The following EPHB2 variants were observed in gnomAD, a reference collection of about 807,000 sequenced individuals.
The protein encoded by EPHB2 is ephrin type-B receptor 2.
A neutral mutation model predicts 96.4 loss-of-function variants in EPHB2; 18 were observed. That is an observed-to-expected ratio of 0.19 (90% CI 0.13 to 0.28). The LOEUF (loss-of-function observed/expected upper bound fraction) is 0.28. EPHB2 is among the 10% of genes least tolerant of loss of function. The pLI is 1.00. For synonymous variants in EPHB2, 506 were observed against 534.1 expected, an observed-to-expected ratio of 0.95 and a Z score of 0.72; for missense variants, 989 against 1,355.4, an observed-to-expected ratio of 0.73 and a Z score of 4.25.
intron 5 of EPHB2, among the ~76,000 whole-genome samples, chr1:22,872,397 C>T (rs982394383): frequency 1.1e-4 from 16 of 152,302 alleles, no homozygotes; most frequent in African/African-American, 3.6e-4. Context: ...CTCTCCATCT[C>T]AAGGGTCATA....
chr1:22,767,769 G>T (rs1042432296), intron 1 of EPHB2, among the ~76,000 whole-genome samples: 1 of 152,156 alleles, frequency 6.6e-6, no homozygotes, highest in East Asian at 1.9e-4. Flanking sequence ...CATGTCAAGG[G>T]CCCCACCAGC....
intron 1 of EPHB2, among the ~76,000 whole-genome samples, chr1:22,767,351 A>G (rs1198661042): frequency 2.0e-5 from 3 of 152,132 alleles, no homozygotes; most frequent in Non-Finnish European, 4.4e-5. Context: ...TCAACTCCCA[A>G]AAGGCTCCTT....
rs1363695297 is a variant in EPHB2, at chr1:22,781,081, G to T, written c.62-340G>T. 6.1e-4 allele frequency among the ~76,000 whole-genome samples: 93 copies of T among 152,062 alleles called. 1 individual carries two copies. Among genetic ancestry groups the T allele is most frequent in the Non-Finnish European group, 1.6e-4 (11 of 67,964 alleles). On this transcript the variant is annotated intron_variant, in intron 1 of 15. Coordinates refer to ENST00000374630, the MANE Select transcript of EPHB2 (RefSeq NM_017449.5). ...CACGCCTGTACTCCCAGCACTTTGGGAGGGCGAGGCGGGCGGATCACGAGG... is the reference window on the plus strand; with the variant it reads ...CACGCCTGTACTCCCAGCACTTTGGTAGGGCGAGGCGGGCGGATCACGAGG...
rs2148425649 is a variant in EPHB2 at position 22,785,029 on chromosome 1, T to A, written c.764T>A (p.Met255Lys). The change falls in exon 3 of 16, where the codon ATG becomes AAG. Residue 255 changes from methionine to lysine, a missense_variant. Transcript: ENST00000374630. ...TGGCTGGTGCCCATCGGGCGCTGCATGTGCAAAGCAGGCTTCGAGGCCGTT... is the reference window on the plus strand; with the variant it reads ...TGGCTGGTGCCCATCGGGCGCTGCAAGTGCAAAGCAGGCTTCGAGGCCGTT... ...GEWLVPIGRC[M>K]CKAGFEAVEN... 6.2e-7 allele frequency: 1 copy of A among 1,613,686 alleles called. No individual in the cohort carries two copies. The highest frequency in any genetic ancestry group is 1.1e-5 in the South Asian group (1 of 91,092).
intron 2 of EPHB2, among the ~76,000 whole-genome samples, chr1:22,781,801 A>C (rs2148420248): frequency 6.6e-6 from 1 of 152,278 alleles, no homozygotes; most frequent in South Asian, 2.1e-4. Context: ...TCGTTTCCTG[A>C]GTACCCATTC....
chr1:22,765,546 C>CAAAAAA lies in EPHB2; in HGVS notation c.62-15863_62-15858dup, dbSNP rs10667863. 1.5e-3 allele frequency among the ~76,000 whole-genome samples: 170 copies of CAAAAAA among 115,218 alleles called. 4 individuals carry two copies. Among genetic ancestry groups the CAAAAAA allele is most frequent in the African/African-American group, 5.3e-3 (153 of 28,674 alleles). 75.6% of individuals were successfully genotyped at this position (115,218 alleles called of 152,430 possible). A position where few individuals can be genotyped will look rare whatever the true frequency, so the allele number is the denominator to read the frequency against. On this transcript the variant is annotated intron_variant, in intron 1 of 15. Coordinates refer to ENST00000374630, the MANE Select transcript of EPHB2 (RefSeq NM_017449.5). ...TGGGTGACAGAGAGAGACCCTGTCGCAAAAAAAAAAAAAAAAACATTGAGT... is the reference window on the plus strand; with the variant it reads ...TGGGTGACAGAGAGAGACCCTGTCGCAAAAAAAAAAAAAAAAAAAAAAACATTGAGT...
At chr1:22,851,053 G>A (rs773407876) in intron 3 of EPHB2, among the ~76,000 whole-genome samples, 1 of 152,196 alleles carries the variant, frequency 6.6e-6, no homozygotes, top group Non-Finnish European at 1.5e-5. Flanking sequence ...GGAGTGCAGT[G>A]GTGGGCTCTC....
At chr1:22,911,147 T>TAAAA (rs1640088682) in intron 14 of EPHB2, among the ~76,000 whole-genome samples, 1 of 137,640 alleles carries the variant, frequency 7.3e-6, no homozygotes, top group African/African-American at 3.3e-5. Flanking sequence ...TCTAAAAAAA[T>TAAAA]AAATAAATAA....
At chr1:22,767,344 A>G (rs1347116051) in intron 1 of EPHB2, among the ~76,000 whole-genome samples, 4 of 152,028 alleles carry the variant, frequency 2.6e-5, no homozygotes, top group Non-Finnish European at 4.4e-5. Flanking sequence ...GAGACTTTCA[A>G]CTCCCAAAAG....
chr1:22,816,596 C>A (rs773489096), intron 3 of EPHB2, among the ~76,000 whole-genome samples: 5 of 152,154 alleles, frequency 3.3e-5, no homozygotes, highest in Non-Finnish European at 5.9e-5. Flanking sequence ...GGACCCCTTG[C>A]GGTTCCCTCT....
At chr1:22,744,330 A>G (rs914104817) in intron 1 of EPHB2, among the ~76,000 whole-genome samples, 2 of 152,034 alleles carry the variant, frequency 1.3e-5, no homozygotes, top group African/African-American at 4.8e-5. Flanking sequence ...GAAAATCCAC[A>G]TATAACATTT....
Position 22,892,975 on chromosome 1 carries a change from A to G in EPHB2, c.1520A>G (p.Gln507Arg), listed in dbSNP as rs1455229794. Residue 507 changes from glutamine (Q) to arginine (R), a missense_variant, in exon 7 of 16, where the codon CAG becomes CGG. Gln to Arg is a conservative substitution (Grantham distance 43, BLOSUM62 1). Coordinates refer to ENST00000374630, the MANE Select transcript of EPHB2 (RefSeq NM_017449.5). The part of the protein sequence containing the change: ...GLKAGAIYVF[Q>R]VRARTVAGYG... ...AAAGCCGGCGCCATCTATGTCTTCC[A>G]GGTGCGGGCACGCACCGTGGCAGGT... The G allele has an allele frequency of 6.2e-7, 1 of 1,614,236 alleles. No homozygotes were observed. The highest frequency in any genetic ancestry group is 8.5e-7 in the Non-Finnish European group (1 of 1,180,020).
intron 1 of EPHB2, among the ~76,000 whole-genome samples, chr1:22,742,227 G>C (rs1643912866): frequency 6.6e-6 from 1 of 152,186 alleles, no homozygotes; most frequent in South Asian, 2.1e-4. Context: ...TAGGGTCCCT[G>C]ACATGAGGAC....
At chr1:22,841,245 A>G (rs1645464250) in intron 3 of EPHB2, among the ~76,000 whole-genome samples, 1 of 152,226 alleles carries the variant, frequency 6.6e-6, no homozygotes, top group African/African-American at 2.4e-5. Flanking sequence ...TGTCTTATCT[A>G]AGTAGTTGTC....
In EPHB2 at chr1:22,733,714, G is replaced by A. The variant is rs1034265340; in HGVS notation, c.61+22671G>A. 5.9e-5 allele frequency among the ~76,000 whole-genome samples: 9 copies of A among 152,224 alleles called. No individual in the cohort carries two copies. The highest frequency in any genetic ancestry group is 9.6e-5 in the African/African-American group (4 of 41,458). On this transcript the variant is annotated intron_variant, in intron 1 of 15. Transcript: ENST00000374630. The surrounding 1 kb of genome is among the most constrained non-coding windows in gnomAD (Gnocchi z 4.6). ...AGGGGCGGAAATGGGATTTGAACCCGCGATTCTCTAAGTCCAAAGCCCATG... is the reference window on the plus strand; with the variant it reads ...AGGGGCGGAAATGGGATTTGAACCCACGATTCTCTAAGTCCAAAGCCCATG...
chr1:22,830,303 G>A (rs17435718), intron 3 of EPHB2, among the ~76,000 whole-genome samples: 3,871 of 152,286 alleles, frequency 0.025, 77 homozygotes, highest in Non-Finnish European at 0.037. Context: ...GGGGACCCAC[G>A]TGATTCCTTC....
chr1:22,896,496 C>T lies in EPHB2; in HGVS notation c.1765+18C>T, dbSNP rs146789344. On this transcript the variant is annotated intron_variant, in intron 9 of 15. Transcript: ENST00000374630. ...TGGCCACAGTATGTACACACCCAAG[C>T]GGGCTGGAACCCTTGGGCCCTTCAC... 29 of 1,614,040 alleles carry T rather than the reference C, an allele frequency of 1.8e-5. No individual in the cohort carries two copies. Among genetic ancestry groups the T allele is most frequent in the Middle Eastern group, 1.6e-4 (1 of 6,062 alleles).
chr1:22,919,894 C>T lies in EPHB2; in HGVS notation c.*6324C>T, dbSNP rs1228588494. 1 of 152,134 alleles carries T rather than the reference C, an allele frequency of 6.6e-6. No individual in the cohort carries two copies. The highest frequency in any genetic ancestry group is 1.5e-5 in the Non-Finnish European group (1 of 68,032). 9.4% of individuals were successfully genotyped at this position (152,134 alleles called of 1,614,324 possible). On this transcript the variant is annotated 3_prime_UTR_variant, in exon 16 of 16. Transcript: ENST00000374630. ...TCTAAGATTCCATCACACTATGATT[C>T]TATGCTGCTAATTCTTGAAATTTCG...
At chr1:22,775,320 C>T (rs573699865) in intron 1 of EPHB2, 16 of 765,402 alleles carry the variant, frequency 2.1e-5, no homozygotes, top group Non-Finnish European at 3.2e-5. Context: ...CTGGAGGTTG[C>T]GCCTGAAATG....
Sources: allele counts gnomAD v4.1 joint callset (sites outside exome capture counted in the v4.1 genomes callset), GRCh38; gene constraint gnomAD v4.1.1; non-coding constraint Gnocchi (gnomAD v3.1); transcripts MANE v1.5; gene names NCBI Gene and HGNC (gene_info 2026-07-23, HGNC 2026-07-21).